Variants in ANOS1 observed in about 807,000 individuals in gnomAD.
The protein encoded by ANOS1 is anosmin 1, also known as anosmin-1.
In ANOS1, 6 loss-of-function variants were observed where a neutral mutation model predicts 59.0. That is an observed-to-expected ratio of 0.10 (90% CI 0.06 to 0.20). The LOEUF is 0.20. Ranked by LOEUF, ANOS1 falls within the 10% of genes least tolerant of loss-of-function variation. The pLI is 1.00. For missense variants in ANOS1, 433 were observed against 542.3 expected, an observed-to-expected ratio of 0.80 and a Z score of 2.00; for synonymous variants, 217 against 223.4, an observed-to-expected ratio of 0.97 and a Z score of 0.25.
intron 2 of ANOS1, among the ~76,000 whole-genome samples, chrX:8,660,794 T>G (rs2146871858): frequency 9.0e-6 from 1 of 111,645 alleles, no homozygotes. Flanking sequence ...TAAATAAAAC[T>G]TTAATGGCCC....
chrX:8,731,557 T>C (rs1480285794), intron 1 of ANOS1, among the ~76,000 whole-genome samples: 1 of 111,579 alleles, frequency 9.0e-6, no homozygotes, highest in African/African-American at 3.3e-5. Context: ...TCCACGACTC[T>C]CCCTCCCCAG....
At chrX:8,594,764 ATATT>A (rs1930703973) in intron 4 of ANOS1, among the ~76,000 whole-genome samples, 1 of 74,520 alleles carries the variant, frequency 1.3e-5, no homozygotes, top group African/African-American at 5.0e-5. Flanking sequence ...ATATATATAT[ATATT>A]TTTTTTTTGC....
intron 3 of ANOS1, among the ~76,000 whole-genome samples, chrX:8,623,194 G>C (rs1931328276): frequency 9.0e-6 from 1 of 111,029 alleles, no homozygotes; most frequent in South Asian, 3.8e-4. Context: ...ATATGAGGAG[G>C]AACCCCGAGG....
intron 2 of ANOS1, among the ~76,000 whole-genome samples, chrX:8,652,068 C>T (rs1042775480): frequency 1.8e-4 from 20 of 111,316 alleles, no homozygotes; most frequent in Admixed American, 5.7e-4. Flanking sequence ...CTCAGCCTCC[C>T]GAGTAGCTGG....
chrX:8,537,901 C>A (rs975408307), intron 10 of ANOS1, among the ~76,000 whole-genome samples: 2 of 110,916 alleles, frequency 1.8e-5, no homozygotes, highest in African/African-American at 6.6e-5. Context: ...AAACATGAGA[C>A]AAGAATTAAA....
At chrX:8,703,032 T>A (rs1312229210) in intron 1 of ANOS1, among the ~76,000 whole-genome samples, 1 of 112,361 alleles carries the variant, frequency 8.9e-6, no homozygotes, top group Admixed American at 9.4e-5. Flanking sequence ...CAGGACCTTA[T>A]CTCTGGATGA....
Position 8,661,179 on chromosome X carries a change from A to C in ANOS1, c.256-37509T>G, listed in dbSNP as rs750119255. Reference sequence around the variant, plus strand: ...ACCCTCTGTGTGTGTCTATGTCCTCATCTCCTCTTCTTATGAGATGTCTTA... The same window carrying C: ...ACCCTCTGTGTGTGTCTATGTCCTCCTCTCCTCTTCTTATGAGATGTCTTA... On this transcript the variant is annotated intron_variant, in intron 2 of 13. Coordinates refer to ENST00000262648, the MANE Select transcript of ANOS1 (RefSeq NM_000216.4). Among the ~76,000 whole-genome samples the C allele has an allele frequency of 2.7e-5, 3 of 110,214 alleles. No homozygotes were observed. In the South Asian group the frequency reaches 1.2e-3, roughly 43 times the overall value.
chrX:8,658,022 C>T (rs1481906077), intron 2 of ANOS1, among the ~76,000 whole-genome samples: 4 of 111,391 alleles, frequency 3.6e-5, no homozygotes, highest in Non-Finnish European at 7.5e-5. Context: ...GAGGGCAGTT[C>T]CCGAGGGCAT....
chrX:8,646,810 G>A (rs1401878389), intron 2 of ANOS1, among the ~76,000 whole-genome samples: 2 of 108,025 alleles, frequency 1.9e-5, no homozygotes, highest in Non-Finnish European at 3.8e-5. Flanking sequence ...GTGCACGCCT[G>A]TAATCCCAGC....
chrX:8,548,798 T>C, intron 9 of ANOS1, among the ~76,000 whole-genome samples: 1 of 112,621 alleles, frequency 8.9e-6, no homozygotes, highest in East Asian at 2.8e-4. Flanking sequence ...CATGGATATG[T>C]ACTTATTAGA....
At chrX:8,686,733 C>T (rs1347789642) in intron 2 of ANOS1, among the ~76,000 whole-genome samples, 2 of 111,613 alleles carry the variant, frequency 1.8e-5, no homozygotes, top group Non-Finnish European at 3.8e-5. Context: ...GGGCAGATCA[C>T]CTCAGGTCAG....
intron 3 of ANOS1, among the ~76,000 whole-genome samples, chrX:8,609,658 G>A (rs1317544519): frequency 9.0e-6 from 1 of 110,714 alleles, no homozygotes. Flanking sequence ...AAATCATTAG[G>A]CATCCACCTT....
rs61212461 is a variant in ANOS1, at chrX:8,730,580, A to ACC, written c.207+1248_207+1249dup. Among the ~76,000 whole-genome samples the ACC allele has an allele frequency of 5.8e-4, 46 of 79,357 alleles. No homozygotes were observed. The South Asian group carries it at 0.021, about 36-fold the overall frequency. The allele number at this position is 79,357 out of a possible 115,157, so 68.9% of individuals were successfully genotyped here. Reference sequence around the variant, plus strand: ...CTTAATTCCCAGGGCCTCTAGGGGGACCCCCCCCCCCACCCCTTGACCCAG... The same window carrying ACC: ...CTTAATTCCCAGGGCCTCTAGGGGGACCCCCCCCCCCCCACCCCTTGACCCAG... On this transcript the variant is annotated intron_variant, in intron 1 of 13. Coordinates refer to ENST00000262648, the MANE Select transcript of ANOS1 (RefSeq NM_000216.4).
Position 8,623,385 on chromosome X carries a change from AT to A in ANOS1, c.318+222del, listed in dbSNP as rs35946576. 0.019 allele frequency among the ~76,000 whole-genome samples: 1,972 copies of A among 105,541 alleles called. 44 individuals carry two copies. The highest frequency in any genetic ancestry group is 0.062 in the African/African-American group (1,812 of 29,385). 91.6% of individuals were successfully genotyped at this position (105,541 alleles called of 115,157 possible). A position where few individuals can be genotyped will look rare whatever the true frequency, so the allele number is the denominator to read the frequency against. On this transcript the variant is annotated intron_variant, in intron 3 of 13. Transcript: ENST00000262648. ...CTGTAGTCTTCCATCTACACATCAT[AT>A]TTTTTTTTTTGGTCTGGTTAGCCAA...
intron 2 of ANOS1, among the ~76,000 whole-genome samples, chrX:8,635,839 A>C (rs1309765121): frequency 9.0e-6 from 1 of 111,700 alleles, no homozygotes; most frequent in Non-Finnish European, 1.9e-5. Context: ...CAGGTAATCA[A>C]AATAACTCAA....
rs771257479 is a variant in ANOS1 at position 8,613,297 on chromosome X, T to A, written c.318+10311A>T. Among the ~76,000 whole-genome samples the A allele has an allele frequency of 3.6e-5, 4 of 109,958 alleles. No individual in the cohort carries two copies. In the East Asian group the frequency reaches 1.2e-3, roughly 32 times the overall value. ...AACATGGCTCGCTACAGCCTCAACC[T>A]CCTGGGCTCAAGAAATCCTCCTGCC... On this transcript the variant is annotated intron_variant, in intron 3 of 13. Coordinates refer to ENST00000262648, the MANE Select transcript of ANOS1 (RefSeq NM_000216.4).
chrX:8,643,546 C>T (rs1285809015), intron 2 of ANOS1, among the ~76,000 whole-genome samples: 1 of 111,506 alleles, frequency 9.0e-6, no homozygotes, highest in African/African-American at 3.3e-5. Context: ...CATAACATTA[C>T]GAGACAAGGA....
chrX:8,654,259 G>A (rs1420491905), intron 2 of ANOS1, among the ~76,000 whole-genome samples: 1 of 111,869 alleles, frequency 8.9e-6, no homozygotes, highest in African/African-American at 3.3e-5. Flanking sequence ...CAAACCACAT[G>A]TGTAACCAAA....
At chrX:8,635,521 C>T (rs898066078) in intron 2 of ANOS1, among the ~76,000 whole-genome samples, 3 of 111,562 alleles carry the variant, frequency 2.7e-5, no homozygotes, top group African/African-American at 9.8e-5. Flanking sequence ...CTCACATGAA[C>T]ATTTTCCTAA....
Sources: gnomAD v4.1 joint callset for allele counts (sites outside exome capture counted in the v4.1 genomes callset) on GRCh38, gnomAD v4.1.1 for gene constraint, MANE v1.5 for transcripts, NCBI Gene and HGNC (gene_info 2026-07-23, HGNC 2026-07-21) for gene names.